Variants in LIG3 observed in about 807,000 individuals in gnomAD.
LIG3 encodes the protein ligase II, DNA, ATP-dependent.
In LIG3, 58 loss-of-function variants were observed where a neutral mutation model predicts 110.9. The ratio of observed to expected loss-of-function variants is 0.52; its 90% CI spans 0.42 to 0.65. The LOEUF (loss-of-function observed/expected upper bound fraction) is 0.65, where lower values mean the gene tolerates loss of function less well. LIG3 is among the 30% of genes least tolerant of loss of function. LIG3 has a pLI of 0.00. For missense variants in LIG3, 1,094 were observed against 1,273.8 expected (o/e 0.86, Z 2.15); for synonymous variants, 422 against 472.8 (o/e 0.89, Z 1.39).
At chr17:35,001,825 G>C in intron 17 of LIG3, 84 bp from the exon 18 acceptor site, 1 of 1,247,284 alleles carries the variant, frequency 8.0e-7, no homozygotes, top group Non-Finnish European at 1.1e-6. Context: ...TCCCATATGC[G>C]CCTAAAATAC....
In LIG3 at chr17:34,990,172, C is replaced by T. The variant is rs141756282; in HGVS notation, c.889+509C>T. Among the ~76,000 whole-genome samples, 263 of 152,296 alleles carry T rather than the reference C, an allele frequency of 1.7e-3. 1 individual carries two copies. Among genetic ancestry groups the T allele is most frequent in the Admixed American group, 2.7e-3 (41 of 15,304 alleles). ...AGGTGAGGCAGACACAATCCACCAG[C>T]CTCTGAACTCCATGCTGTCTCCTAC... On this transcript the variant is annotated intron_variant, in intron 4 of 19. Coordinates refer to ENST00000378526, the MANE Select transcript of LIG3 (RefSeq NM_013975.4).
chr17:35,010,445 C>CT (rs774182921), downstream of LIG3: 4 of 152,168 alleles, frequency 2.6e-5, no homozygotes, highest in Admixed American at 1.3e-4. Flanking sequence ...ATGGTCCTTC[C>CT]TAAAGAGCCT....
In LIG3 at chr17:34,998,730, C is replaced by T. The variant is rs778661916; in HGVS notation, c.2113+3C>T. On this transcript the variant is annotated splice_donor_region_variant and intron_variant, in intron 14 of 19. Transcript: ENST00000378526. The stretch of plus-strand genomic sequence containing the variant: ...CTTCTATGGGCAAGGGAGCAAAGGT[C>T]AGGGTGGCCTCTGCCCCCTGGGGTG... 1.9e-6 allele frequency: 3 copies of T among 1,613,320 alleles called. No homozygotes were observed. The highest frequency in any genetic ancestry group is 2.5e-6 in the Non-Finnish European group (3 of 1,179,684).
At chr17:34,983,639 T>A (rs1487043010) in intron 2 of LIG3, 87 bp downstream of exon 2, 1 of 1,313,306 alleles carries the variant, frequency 7.6e-7, no homozygotes, top group Non-Finnish European at 1.0e-6. Context: ...CTCTTTTTTT[T>A]AACTTTGCTC....
At chr17:34,988,912 C>T (rs1206734707) in intron 3 of LIG3, among the ~76,000 whole-genome samples, 1 of 152,188 alleles carries the variant, frequency 6.6e-6, no homozygotes, top group African/African-American at 2.4e-5. Flanking sequence ...CCTGTGATAG[C>T]AGTAATTTCA....
chr17:35,004,484 G>A lies in LIG3; in HGVS notation c.3008G>A (p.Arg1003Gln), dbSNP rs140462567. The change falls in exon 20 of 20, where the codon CGG (arginine) becomes CAG (glutamine). Residue 1003 changes from arginine to glutamine, a missense_variant. Physicochemically the swap from Arg to Gln is conservative, Grantham distance 43. Coordinates refer to ENST00000378526, the MANE Select transcript of LIG3 (RefSeq NM_013975.4). ...TGGATTTGGGCATGTATCCGGAAAC[G>A]GAGACTGGTAGCTCCCTGCTAGGTT... ...PEWIWACIRK[R>Q]RLVAPC The A allele has an allele frequency of 1.6e-4, 255 of 1,613,834 alleles. 2 individuals carry two copies. The highest frequency in any genetic ancestry group is 2.0e-4 in the Non-Finnish European group (236 of 1,179,886).
Position 35,005,905 on chromosome 17 carries a change from AT to A in LIG3, c.*1402del. 2 of 332,156 alleles carry A rather than the reference AT, an allele frequency of 6.0e-6. No homozygotes were observed. 20.6% of individuals were successfully genotyped at this position (332,156 alleles called of 1,614,324 possible). The stretch of plus-strand genomic sequence containing the variant: ...GAAGCATATTGAAGCTCGGACTAGA[AT>A]TTCTTCTTGGTATCAGAGAGACAAG... On this transcript the variant is annotated 3_prime_UTR_variant, in exon 20 of 20. Coordinates refer to ENST00000378526, the MANE Select transcript of LIG3 (RefSeq NM_013975.4).
Position 35,001,960 on chromosome 17 carries a change from G to A in LIG3, c.2530G>A (p.Asp844Asn), listed in dbSNP as rs777089223. 6.2e-7 allele frequency: 1 copy of A among 1,612,772 alleles called. No individual in the cohort carries two copies. Among genetic ancestry groups the A allele is most frequent in the African/African-American group, 1.3e-5 (1 of 74,850 alleles). Reference sequence around the variant, plus strand: ...GGCAGACTTCACTGTAGTGGCTGGAGATGAGGGGAGCTCCACTACAGGGGG... The same window carrying A: ...GGCAGACTTCACTGTAGTGGCTGGAAATGAGGGGAGCTCCACTACAGGGGG... Reference protein sequence around the residue: ...EKADFTVVAGDEGSSTTGGSS... With the variant: ...EKADFTVVAGNEGSSTTGGSS... Residue 844 changes from aspartate to asparagine, a missense_variant, in exon 18 of 20, where the codon GAT becomes AAT. By Grantham distance (23) the Asp-to-Asn change is conservative (BLOSUM62 1). Transcript: ENST00000378526.
chr17:34,999,874 T>C lies in LIG3; in HGVS notation c.2331+18T>C. Reference sequence around the variant, plus strand: ...ACCCAAAGGTATCAACCCAGTGGCTTGGGGGCCTCCAGCTCATAGAATTAG... The same window carrying C: ...ACCCAAAGGTATCAACCCAGTGGCTCGGGGGCCTCCAGCTCATAGAATTAG... On this transcript the variant is annotated intron_variant, in intron 16 of 19. Transcript: ENST00000378526. The C allele has an allele frequency of 6.3e-7, 1 of 1,599,408 alleles. No homozygotes were observed. Among genetic ancestry groups the C allele is most frequent in the Non-Finnish European group, 8.6e-7 (1 of 1,166,656 alleles).
chr17:35,005,021 A>C lies in LIG3; in HGVS notation c.*515A>C, dbSNP rs1337197638. ...TTCAGCCTGACACGCTTTGCCAGGA[A>C]CAAACCTCATGTGAAAGAAAACAAA... On this transcript the variant is annotated 3_prime_UTR_variant, in exon 20 of 20. Transcript: ENST00000378526. 4 of 306,376 alleles carry C rather than the reference A, an allele frequency of 1.3e-5. No individual in the cohort carries two copies. The highest frequency in any genetic ancestry group is 2.6e-5 in the Non-Finnish European group (4 of 155,402). 19.0% of individuals were successfully genotyped at this position (306,376 alleles called of 1,614,324 possible). A position where few individuals can be genotyped will look rare whatever the true frequency, so the allele number is the denominator to read the frequency against.
rs887060885 is a variant in LIG3 at position 35,006,439 on chromosome 17, A to T, written c.*1933A>T. 2 of 152,366 alleles carry T rather than the reference A, an allele frequency of 1.3e-5. No individual in the cohort carries two copies. Among genetic ancestry groups the T allele is most frequent in the African/African-American group, 4.8e-5 (2 of 41,454 alleles). The allele number at this position is 152,366 out of a possible 1,614,324, so 9.4% of individuals were successfully genotyped here. On this transcript the variant is annotated 3_prime_UTR_variant, in exon 20 of 20. Transcript: ENST00000378526. ...CAAGTTACGTTAACATCTAAGCCTCAATCCCTCCAAGTAGAATGGGTGCAC... is the reference window on the plus strand; with the variant it reads ...CAAGTTACGTTAACATCTAAGCCTCTATCCCTCCAAGTAGAATGGGTGCAC...
Position 34,983,075 on chromosome 17 carries a change from T to G in LIG3, c.70T>G (p.Phe24Val), listed in dbSNP as rs763981324. ...ACTCAGCCGAAAAGAACTGTGCCTA[T>G]TCCGAAAACATCACTGGCGTGATGT... ...RALSRKELCL[F>V]RKHHWRDVRQ... Residue 24 changes from phenylalanine (F) to valine (V), a missense_variant, in exon 2 of 20, where the codon TTC (phenylalanine) becomes GTC (valine). By Grantham distance (50) the Phe-to-Val change is conservative (BLOSUM62 -1). Coordinates refer to ENST00000378526, the MANE Select transcript of LIG3 (RefSeq NM_013975.4). The G allele has an allele frequency of 1.3e-5, 21 of 1,613,832 alleles. No individual in the cohort carries two copies. The South Asian group carries it at 2.2e-4, about 17-fold the overall frequency.
chr17:35,003,274 G>T, intron 19 of LIG3: 1 of 1,023,832 alleles, frequency 9.8e-7, no homozygotes, highest in Non-Finnish European at 1.4e-6. Context: ...TTTCTTGTCA[G>T]TCTTGGGTTT....
rs549898369 is a variant in LIG3 at position 35,005,882 on chromosome 17, A to G, written c.*1376A>G. On this transcript the variant is annotated 3_prime_UTR_variant, in exon 20 of 20. Transcript: ENST00000378526. ...GAAATACCTAGCGAAAAAAACAGGA[A>G]GCATATTGAAGCTCGGACTAGAATT... The G allele has an allele frequency of 2.0e-5, 7 of 347,580 alleles. No homozygotes were observed. The highest frequency in any genetic ancestry group is 1.2e-4 in the Admixed American group (3 of 24,808). 21.5% of individuals were successfully genotyped at this position (347,580 alleles called of 1,614,324 possible). A position where few individuals can be genotyped will look rare whatever the true frequency, so the allele number is the denominator to read the frequency against.
intron 5 of LIG3, 178 bp downstream of exon 5, chr17:34,991,292 C>T (rs1043060639): frequency 7.8e-6 from 5 of 640,116 alleles, no homozygotes; most frequent in South Asian, 2.1e-5. Context: ...CTCTTAATTT[C>T]TTAAGTTTCT....
chr17:34,983,400 G>T lies in LIG3; in HGVS notation c.395G>T (p.Gly132Val), dbSNP rs1265279288. 3 of 1,614,216 alleles carry T rather than the reference G, an allele frequency of 1.9e-6. No individual in the cohort carries two copies. The highest frequency in any genetic ancestry group is 2.2e-5 in the South Asian group (2 of 91,086). The change falls in exon 2 of 20, where the codon GGT becomes GTT. Residue 132 changes from glycine to valine, a missense_variant. Coordinates refer to ENST00000378526, the MANE Select transcript of LIG3 (RefSeq NM_013975.4). The part of the protein sequence containing the change: ...VVPNPFSESG[G>V]DMKEWYHIKC... ...CCCAATCCCTTCTCAGAGTCTGGGGGTGATATGAAAGAGTGGTACCACATT... is the reference window on the plus strand; with the variant it reads ...CCCAATCCCTTCTCAGAGTCTGGGGTTGATATGAAAGAGTGGTACCACATT...
Position 35,005,400 on chromosome 17 carries a change from A to G in LIG3, c.*894A>G, listed in dbSNP as rs574257247. On this transcript the variant is annotated 3_prime_UTR_variant, in exon 20 of 20. Transcript: ENST00000378526. ...CACATGCCATCAGCCATGACTGTGT[A>G]TGCTCTGGTGGTGGTGTCTTACTTC... The G allele has an allele frequency of 3.7e-4, 206 of 559,198 alleles. 2 individuals carry two copies. The highest frequency in any genetic ancestry group is 1.6e-3 in the South Asian group (115 of 72,738). The allele number at this position is 559,198 out of a possible 1,614,324, so 34.6% of individuals were successfully genotyped here. A position where few individuals can be genotyped will look rare whatever the true frequency, so the allele number is the denominator to read the frequency against.
chr17:34,991,042 T>C lies in LIG3; in HGVS notation c.969T>C (p.Asp323=), dbSNP rs1022096011. The change falls in exon 5 of 20, where the codon GAT becomes GAC. Residue 323 remains aspartate, a synonymous_variant. Coordinates refer to ENST00000378526, the MANE Select transcript of LIG3 (RefSeq NM_013975.4). ...GVIKTVYNLN[D]KQIVKLFSRI... is the part of the protein sequence containing the mutation. ...TTAAGACTGTTTACAACTTGAACGA[T>C]AAGCAGATTGTGAAGCTTTTCAGTC... is the stretch of plus-strand genomic sequence containing the variant. 4 of 1,614,068 alleles carry C rather than the reference T, an allele frequency of 2.5e-6. No individual in the cohort carries two copies. Among genetic ancestry groups the C allele is most frequent in the Non-Finnish European group, 3.4e-6 (4 of 1,180,014 alleles).
intron 13 of LIG3, 123 bp from the exon 14 acceptor site, chr17:34,998,481 C>A (rs926023994): frequency 1.6e-6 from 2 of 1,280,602 alleles, no homozygotes; most frequent in Admixed American, 2.0e-5. Flanking sequence ...GTGCCTGGAG[C>A]CTGAGGGCTC....
Sources: allele counts gnomAD v4.1 joint callset (sites outside exome capture counted in the v4.1 genomes callset), GRCh38; gene constraint gnomAD v4.1.1; transcripts MANE v1.5; gene names NCBI Gene and HGNC (gene_info 2026-07-23, HGNC 2026-07-21).